Variants in XPR1 observed in about 807,000 individuals in gnomAD.
The protein encoded by XPR1 is xenotropic and polytropic retrovirus receptor 1.
In XPR1, 28 loss-of-function variants were observed where a neutral mutation model predicts 87.5. That is an observed-to-expected ratio of 0.32 (90% CI 0.24 to 0.44). The LOEUF is 0.44. XPR1 is among the 20% of genes least tolerant of loss of function. The pLI is 1.00. For synonymous variants in XPR1, 300 were observed against 306.1 expected (o/e 0.98, Z 0.21); for missense variants, 559 against 862.3 (o/e 0.65, Z 4.41).
intron 2 of XPR1, among the ~76,000 whole-genome samples, chr1:180,692,314 T>G (rs1657020207): frequency 6.6e-6 from 1 of 152,042 alleles, no homozygotes; most frequent in African/African-American, 2.4e-5. Flanking sequence ...TAGATCTATC[T>G]GTAGGCACTG....
intron 2 of XPR1, among the ~76,000 whole-genome samples, chr1:180,709,454 G>A (rs6688486): frequency 6.6e-6 from 1 of 151,768 alleles, no homozygotes; most frequent in East Asian, 1.9e-4. Context: ...GCTTCCCACC[G>A]CATCTCACTC....
intron 13 of XPR1, among the ~76,000 whole-genome samples, chr1:180,878,446 TA>T (rs1652729690): frequency 6.6e-6 from 1 of 152,198 alleles, no homozygotes; most frequent in Non-Finnish European, 1.5e-5. Flanking sequence ...ATACTCAAAC[TA>T]AACCACTTTT....
intron 11 of XPR1, among the ~76,000 whole-genome samples, chr1:180,837,905 A>G (rs1324244893): frequency 6.6e-6 from 1 of 152,142 alleles, no homozygotes; most frequent in Non-Finnish European, 1.5e-5. Flanking sequence ...GTTATAAAGA[A>G]CCCTTTACTT....
At chr1:180,659,385 TTCCTTCCTTCCTTCCTTCC>T (rs1237657123) in intron 1 of XPR1, among the ~76,000 whole-genome samples, 1,514 of 20,276 alleles carry the variant, frequency 0.075, 65 homozygotes, top group African/African-American at 0.15. Context: ...CCTTCCGTCC[TTCCTTCCTTCCTTCCTTCC>T]TTCCTTCCTT....
chr1:180,667,550 G>T (rs1656003386), intron 1 of XPR1, among the ~76,000 whole-genome samples: 1 of 152,080 alleles, frequency 6.6e-6, no homozygotes, highest in African/African-American at 2.4e-5. Context: ...GGAGATATTT[G>T]CCCATAGTTT....
chr1:180,773,651 C>G (rs1648604356), intron 2 of XPR1, among the ~76,000 whole-genome samples: 1 of 152,142 alleles, frequency 6.6e-6, no homozygotes, highest in Admixed American at 6.5e-5. Flanking sequence ...TTTAGTCATT[C>G]TTATGAGTCA....
At chr1:180,732,855 C>T (rs1324873421) in intron 2 of XPR1, among the ~76,000 whole-genome samples, 3 of 152,188 alleles carry the variant, frequency 2.0e-5, no homozygotes, top group Admixed American at 6.5e-5. Flanking sequence ...CACACTTGGG[C>T]TTGGAGAATA....
At chr1:180,652,156 G>C (rs1311930380) in intron 1 of XPR1, among the ~76,000 whole-genome samples, 1 of 152,140 alleles carries the variant, frequency 6.6e-6, no homozygotes, top group Non-Finnish European at 1.5e-5. Flanking sequence ...GCCAGGTGTG[G>C]TGGCGGTCAC....
At chr1:180,773,620 G>A (rs1648603758) in intron 2 of XPR1, among the ~76,000 whole-genome samples, 1 of 152,124 alleles carries the variant, frequency 6.6e-6, no homozygotes, top group African/African-American at 2.4e-5. Flanking sequence ...TTTCTTTGAA[G>A]GAGAGTCCCA....
At chr1:180,787,960 T>C in intron 3 of XPR1, 106 bp downstream of exon 3, 2 of 801,290 alleles carry the variant, frequency 2.5e-6, no homozygotes, top group South Asian at 3.4e-5. Context: ...CTTGTTTTCC[T>C]TACTATACTG....
intron 11 of XPR1, among the ~76,000 whole-genome samples, chr1:180,840,696 T>TA (rs138191585): frequency 0.044 from 6,609 of 151,036 alleles, 216 homozygotes; most frequent in Middle Eastern, 0.072. Context: ...ATTGCTAAAA[T>TA]AAAAAAAACC....
At chr1:180,857,032 G>A (rs1652055340) in intron 11 of XPR1, among the ~76,000 whole-genome samples, 1 of 152,076 alleles carries the variant, frequency 6.6e-6, no homozygotes, top group South Asian at 2.1e-4. Context: ...ATTTTATTTT[G>A]ACTATATATT....
chr1:180,805,566 C>T (rs1473890004), intron 4 of XPR1, among the ~76,000 whole-genome samples: 1 of 152,146 alleles, frequency 6.6e-6, no homozygotes, highest in African/African-American at 2.4e-5. Flanking sequence ...GATGATCTTC[C>T]ATTTTCCTTA....
At chr1:180,831,259 A>C (rs1651050267) in intron 9 of XPR1, among the ~76,000 whole-genome samples, 1 of 152,058 alleles carries the variant, frequency 6.6e-6, no homozygotes, top group South Asian at 2.1e-4. Flanking sequence ...TCTCCAGCAA[A>C]ACTTCCTAAC....
intron 7 of XPR1, among the ~76,000 whole-genome samples, chr1:180,813,722 CAG>C (rs1650306772): frequency 1.3e-5 from 2 of 152,134 alleles, no homozygotes; most frequent in African/African-American, 4.8e-5. Flanking sequence ...CTTTTAAGGA[CAG>C]ATAACCTTGG....
At chr1:180,783,179 G>A (rs1185984462) in intron 2 of XPR1, among the ~76,000 whole-genome samples, 4 of 151,920 alleles carry the variant, frequency 2.6e-5, no homozygotes, top group Non-Finnish European at 5.9e-5. Flanking sequence ...GATTGAGCCT[G>A]GGAGGTTGAG....
chr1:180,752,006 A>C (rs1233829644), intron 2 of XPR1, among the ~76,000 whole-genome samples: 1 of 152,154 alleles, frequency 6.6e-6, no homozygotes, highest in Non-Finnish European at 1.5e-5. Flanking sequence ...ATAATACAAA[A>C]AATACCAATA....
chr1:180,837,865 A>G (rs935913099), intron 11 of XPR1, among the ~76,000 whole-genome samples: 9 of 152,214 alleles, frequency 5.9e-5, no homozygotes, highest in East Asian at 1.9e-4. Context: ...AACTGATTTA[A>G]TACATGGTAT....
At chr1:180,716,538 T>G (rs1051916509) in intron 2 of XPR1, among the ~76,000 whole-genome samples, 7 of 152,258 alleles carry the variant, frequency 4.6e-5, no homozygotes, top group Non-Finnish European at 1.5e-5. Context: ...TTGGGTTTAA[T>G]TTATCCTGCC....
Sources: allele counts gnomAD v4.1 joint callset (sites outside exome capture counted in the v4.1 genomes callset), GRCh38; gene constraint gnomAD v4.1.1; transcripts MANE v1.5; gene names NCBI Gene and HGNC (gene_info 2026-07-23, HGNC 2026-07-21).